The following CCDC144A variants were observed in gnomAD, a reference collection of about 807,000 sequenced individuals.
CCDC144A encodes the protein coiled-coil domain containing 144A.
In CCDC144A, 41 loss-of-function variants were observed where a neutral mutation model predicts 143.8. That is an observed-to-expected ratio of 0.29 (90% CI 0.22 to 0.37). The LOEUF is 0.37. Ranked by LOEUF, CCDC144A falls within the 10% of genes least tolerant of loss-of-function variation. The pLI, the probability that CCDC144A is intolerant of heterozygous loss-of-function variation, is 1.00. For missense variants in CCDC144A, 637 were observed against 1,488.8 expected (o/e 0.43, Z 9.41); for synonymous variants, 242 against 517.9 (o/e 0.47, Z 7.23).
At chr17:16,724,859 G>A (rs1913313099) in intron 8 of CCDC144A, among the ~76,000 whole-genome samples, 1 of 109,612 alleles carries the variant, frequency 9.1e-6, no homozygotes, top group Non-Finnish European at 1.7e-5. Flanking sequence ...CACCATGTTA[G>A]CCAGGATGGT....
At chr17:16,725,399 T>C (rs1484276473) in intron 8 of CCDC144A, among the ~76,000 whole-genome samples, 1 of 151,912 alleles carries the variant, frequency 6.6e-6, no homozygotes, top group African/African-American at 2.4e-5. Flanking sequence ...TTTTATGGCT[T>C]ATTAGCGATA....
intron 2 of CCDC144A, among the ~76,000 whole-genome samples, chr17:16,694,512 G>A (rs1911285475): frequency 6.6e-6 from 1 of 152,104 alleles, no homozygotes; most frequent in Non-Finnish European, 1.5e-5. Flanking sequence ...GAGCCTGGGA[G>A]TCAAGGCTGT....
At chr17:16,763,136 G>C in intron 14 of CCDC144A, among the ~76,000 whole-genome samples, 1 of 151,110 alleles carries the variant, frequency 6.6e-6, no homozygotes, top group Non-Finnish European at 1.5e-5. Flanking sequence ...TTGAAGGGAA[G>C]TATAACTTAC....
At chr17:16,759,755 G>A (rs1174362888) in intron 12 of CCDC144A, among the ~76,000 whole-genome samples, 2 of 152,210 alleles carry the variant, frequency 1.3e-5, no homozygotes, top group Non-Finnish European at 2.9e-5. Context: ...ACATGTTTTA[G>A]TAGTTTTTGT....
At chr17:16,672,862 T>A in the CCDC144A span, among the ~76,000 whole-genome samples, 4 of 152,096 alleles carry the variant, frequency 2.6e-5, no homozygotes, top group East Asian at 1.9e-4. Context: ...GTGTGATCCT[T>A]TAAAATTTAG....
intron 1 of CCDC144A, among the ~76,000 whole-genome samples, chr17:16,692,244 C>G (rs1911133949): frequency 6.7e-6 from 1 of 150,344 alleles, no homozygotes; most frequent in African/African-American, 2.4e-5. Flanking sequence ...CTGTATGGAA[C>G]AGTAGTCCAA....
intron 9 of CCDC144A, among the ~76,000 whole-genome samples, chr17:16,729,880 A>G (rs556271279): frequency 6.5e-4 from 95 of 146,716 alleles, no homozygotes; most frequent in African/African-American, 2.4e-3. Flanking sequence ...ATATATATAT[A>G]TATGAATTGT....
chr17:16,709,505 C>T lies in CCDC144A; in HGVS notation c.1448C>T (p.Ser483Phe). 3 of 1,611,582 alleles carry T rather than the reference C, an allele frequency of 1.9e-6. No homozygotes were observed. Among genetic ancestry groups the T allele is most frequent in the East Asian group, 2.2e-5 (1 of 44,840 alleles). Residue 483 changes from serine to phenylalanine, a missense_variant, in exon 5 of 17, where the codon TCT becomes TTT. Transcript: ENST00000399273. ...AATCTGAGTTCTTTACCACCAGATT[C>T]TGACAGAACATCAGAAGTATATCTA... Reference protein sequence around the residue: ...LENLSSLPPDSDRTSEVYLHE... With the variant: ...LENLSSLPPDFDRTSEVYLHE...
rs71224442 is a variant in CCDC144A at position 16,759,096 on chromosome 17, A to G, written c.3373-2329A>G. 8.4e-3 allele frequency among the ~76,000 whole-genome samples: 1,278 copies of G among 152,016 alleles called. 5 individuals carry two copies. Among genetic ancestry groups the G allele is most frequent in the Middle Eastern group, 0.014 (4 of 292 alleles). ...CTTCACCTTCAGACTTTCTCCTGGC[A>G]GCACCCTGGATTTGATCTTATCTCA... On this transcript the variant is annotated intron_variant, in intron 12 of 16. Coordinates refer to ENST00000399273, the MANE Select transcript of CCDC144A (RefSeq NM_001382000.1).
chr17:16,748,589 A>T (rs1914644926), intron 12 of CCDC144A, among the ~76,000 whole-genome samples: 1 of 152,160 alleles, frequency 6.6e-6, no homozygotes, highest in Non-Finnish European at 1.5e-5. Context: ...TAGTATCAAG[A>T]TGATGCTGGC....
chr17:16,706,140 G>A (rs2221426), intron 3 of CCDC144A: 8 of 151,052 alleles, frequency 5.3e-5, no homozygotes, highest in South Asian at 2.1e-4. Context: ...ACTTCCTATC[G>A]TTTCTATGAC....
chr17:16,705,560 C>T lies in CCDC144A; in HGVS notation c.664+161C>T. The T allele has an allele frequency of 4.5e-6, 3 of 667,948 alleles. No homozygotes were observed. The South Asian group carries it at 5.7e-5, about 13-fold the overall frequency. 41.4% of individuals were successfully genotyped at this position (667,948 alleles called of 1,614,324 possible). A position where few individuals can be genotyped will look rare whatever the true frequency, so the allele number is the denominator to read the frequency against. On this transcript the variant is annotated intron_variant, in intron 3 of 16. Coordinates refer to ENST00000399273, the MANE Select transcript of CCDC144A (RefSeq NM_001382000.1). Reference sequence around the variant, plus strand: ...TTTTTGGCAGGATATTTGTGTTCTTCCTTTAACCAAAGCAACATCTAGATA... The same window carrying T: ...TTTTTGGCAGGATATTTGTGTTCTTTCTTTAACCAAAGCAACATCTAGATA...
chr17:16,687,629 C>CTGAGGCCG (rs1293172432), upstream of CCDC144A, among the ~76,000 whole-genome samples: 14 of 152,134 alleles, frequency 9.2e-5, no homozygotes, highest in African/African-American at 3.4e-4. Flanking sequence ...CTCCTCTTCC[C>CTGAGGCCG]CACTGAGGGG....
chr17:16,754,294 C>T (rs910465619), intron 12 of CCDC144A, among the ~76,000 whole-genome samples: 2 of 152,170 alleles, frequency 1.3e-5, no homozygotes, highest in Non-Finnish European at 2.9e-5. Context: ...CCTTCTACTA[C>T]ATTTGAGTTT....
chr17:16,690,758 G>A lies in CCDC144A; in HGVS notation c.344+14G>A, dbSNP rs1298824974. On this transcript the variant is annotated intron_variant, in intron 1 of 16. Coordinates refer to ENST00000399273, the MANE Select transcript of CCDC144A (RefSeq NM_001382000.1). ...TAGGAAGAAGAGGTAATGGCCAGGC[G>A]AAGGATGCGCCGTCCTGTCGGGGAC... The A allele has an allele frequency of 3.1e-6, 5 of 1,588,378 alleles. No individual in the cohort carries two copies. Among genetic ancestry groups the A allele is most frequent in the Non-Finnish European group, 3.4e-6 (4 of 1,163,204 alleles).
chr17:16,704,358 G>A (rs1228627759), intron 2 of CCDC144A, among the ~76,000 whole-genome samples: 1 of 152,118 alleles, frequency 6.6e-6, no homozygotes. Flanking sequence ...AGGAGGCTGA[G>A]GCAGGAGAAT....
intron 9 of CCDC144A, among the ~76,000 whole-genome samples, chr17:16,729,535 C>A (rs1197017212): frequency 2.0e-5 from 3 of 152,042 alleles, no homozygotes; most frequent in African/African-American, 4.8e-5. Flanking sequence ...ATGATTATTT[C>A]TTTTGCTGTG....
chr17:16,726,603 G>A (rs1913440743), intron 8 of CCDC144A, among the ~76,000 whole-genome samples: 1 of 151,892 alleles, frequency 6.6e-6, no homozygotes, highest in Admixed American at 6.6e-5. Flanking sequence ...CATCACTCAT[G>A]GGAATGGACA....
intron 6 of CCDC144A, 57 bp downstream of exon 6, chr17:16,711,872 C>T (rs1233537954): frequency 6.5e-7 from 1 of 1,548,838 alleles, no homozygotes; most frequent in Non-Finnish European, 8.7e-7. Flanking sequence ...TGGCTCACGC[C>T]TGTAATCCAG....
Sources: gnomAD v4.1 joint callset for allele counts (sites outside exome capture counted in the v4.1 genomes callset) on GRCh38, gnomAD v4.1.1 for gene constraint, MANE v1.5 for transcripts, NCBI Gene and HGNC (gene_info 2026-07-23, HGNC 2026-07-21) for gene names.